Variants in DNAH17 observed in about 807,000 individuals in gnomAD.
The protein encoded by DNAH17 is axonemal beta dynein heavy chain 17.
In DNAH17, 376 loss-of-function variants were observed where a neutral mutation model predicts 485.6. The observed-to-expected ratio is 0.77, with a 90% CI of 0.71 to 0.84. The LOEUF is 0.84. DNAH17 is among the 40% of genes least tolerant of loss of function. The pLI is 0.00. For missense variants in DNAH17, 6,370 were observed against 5,839.3 expected (o/e 1.09, Z -2.96); for synonymous variants, 3,031 against 2,405.9 (o/e 1.26, Z -7.60).
rs371109959 is a variant in DNAH17 at position 78,514,834 on chromosome 17, G to T, written c.4053C>A (p.Ser1351Arg). ...CCCGAATGGCAGGGTTCTGCAGCTC[G>T]CTCACGGCACGCAGGGACGTGATCA... Reference protein sequence around the residue: ...KNVITSLRAVSELQNPAIRER... With the variant: ...KNVITSLRAVRELQNPAIRER... Residue 1351 changes from serine (S) to arginine (R), a missense_variant, in exon 26 of 81, where the codon AGC (serine) becomes AGA (arginine). By Grantham distance (110) the Ser-to-Arg change is moderately radical. Coordinates refer to ENST00000389840, the MANE Select transcript of DNAH17 (RefSeq NM_173628.4). The T allele has an allele frequency of 6.2e-7, 1 of 1,613,916 alleles. No homozygotes were observed. The highest frequency in any genetic ancestry group is 8.5e-7 in the Non-Finnish European group (1 of 1,179,900).
At chr17:78,425,152 C>T (rs894951723) in intron 80 of DNAH17, 194 bp downstream of exon 80, 2 of 591,600 alleles carry the variant, frequency 3.4e-6, no homozygotes, top group Non-Finnish European at 5.9e-6. Context: ...CCTGCACATT[C>T]CCTGAATCCT....
intron 13 of DNAH17, 119 bp downstream of exon 13, chr17:78,560,621 G>A: frequency 8.7e-7 from 1 of 1,148,496 alleles, no homozygotes; most frequent in Non-Finnish European, 1.2e-6. Context: ...AAGAAGTAAA[G>A]CTTTAGGCGA....
chr17:78,448,288 C>T (rs1203778616), intron 69 of DNAH17, among the ~76,000 whole-genome samples: 1 of 151,808 alleles, frequency 6.6e-6, no homozygotes, highest in Non-Finnish European at 1.5e-5. Flanking sequence ...CACTTGAGCC[C>T]AGGAGTTCAA....
chr17:78,463,199 T>C, intron 56 of DNAH17, 122 bp from the exon 57 acceptor site: 2 of 828,914 alleles, frequency 2.4e-6, no homozygotes, highest in Non-Finnish European at 3.9e-6. Flanking sequence ...AACCTCAGTG[T>C]CTTCAACTGC....
chr17:78,479,788 G>A (rs568941511), intron 49 of DNAH17, among the ~76,000 whole-genome samples, 156 bp from the exon 50 acceptor site: 1 of 152,110 alleles, frequency 6.6e-6, no homozygotes, highest in Non-Finnish European at 1.5e-5. Flanking sequence ...CCTTGCATGT[G>A]GTAAAACTGC....
At chr17:78,500,210 C>A (rs1361443871) in intron 36 of DNAH17, 95 bp downstream of exon 36, 4 of 1,365,452 alleles carry the variant, frequency 2.9e-6, no homozygotes, top group Non-Finnish European at 3.9e-6. Context: ...ATCCAGAGAT[C>A]TGGAGTTTAC....
chr17:78,567,783 C>G (rs545669313), intron 9 of DNAH17, among the ~76,000 whole-genome samples: 1 of 152,168 alleles, frequency 6.6e-6, no homozygotes, highest in Non-Finnish European at 1.5e-5. Context: ...CCATCTGCGC[C>G]GCTTGTGTTT....
chr17:78,474,139 T>C (rs73377089), intron 54 of DNAH17, among the ~76,000 whole-genome samples: 2,787 of 152,298 alleles, frequency 0.018, 71 homozygotes, highest in African/African-American at 0.06. Context: ...CACCTCCCAC[T>C]GCTCCCAGCA....
chr17:78,501,048 G>A, intron 35 of DNAH17, 136 bp downstream of exon 35: 2 of 1,035,804 alleles, frequency 1.9e-6, no homozygotes, highest in South Asian at 2.1e-5. Context: ...AGAACTGAAT[G>A]TGAACACAGG....
Position 78,502,916 on chromosome 17 carries a change from C to T in DNAH17, c.5052G>A (p.Arg1684=). Residue 1684 remains arginine, a synonymous_variant, in exon 32 of 81, where the codon AGG becomes AGA. Transcript: ENST00000389840. ...EAVVTYEEKP[R]EQWILDYPAQ... ...CTGGGTAGTCCAGGATCCACTGCTC[C>T]CTCGGCTTCTCTTCGTAGGTCACCA... 6.2e-7 allele frequency: 1 copy of T among 1,614,022 alleles called. No individual in the cohort carries two copies. Among genetic ancestry groups the T allele is most frequent in the Non-Finnish European group, 8.5e-7 (1 of 1,179,958 alleles).
chr17:78,554,423 T>A (rs1420345766), intron 14 of DNAH17, among the ~76,000 whole-genome samples: 3 of 78,344 alleles, frequency 3.8e-5, no homozygotes, highest in African/African-American at 1.5e-4. Context: ...GACAATAGAA[T>A]GAGACTCTGT....
intron 9 of DNAH17, among the ~76,000 whole-genome samples, chr17:78,567,494 G>A (rs558718468): frequency 6.6e-6 from 1 of 152,284 alleles, no homozygotes; most frequent in East Asian, 1.9e-4. Flanking sequence ...ACACTCTGCT[G>A]GGACCTCCGT....
At chr17:78,429,448 C>T in intron 75 of DNAH17, 148 bp from the exon 76 acceptor site, 3 of 851,590 alleles carry the variant, frequency 3.5e-6, no homozygotes, top group Middle Eastern at 3.1e-4. Context: ...TGGCCATTTA[C>T]CTTCAGGGTC....
chr17:78,487,286 T>A (rs559896549), intron 44 of DNAH17, among the ~76,000 whole-genome samples: 2 of 152,302 alleles, frequency 1.3e-5, no homozygotes, highest in South Asian at 4.1e-4. Context: ...GATGTTTCCA[T>A]GACCCTCATT....
At chr17:78,541,213 GGGT>G (rs1568224130) in intron 17 of DNAH17, among the ~76,000 whole-genome samples, 2 of 19,460 alleles carry the variant, frequency 1.0e-4, no homozygotes, top group African/African-American at 3.6e-4. Flanking sequence ...GCGGATGGGT[GGGT>G]GGGGGGGTGA....
chr17:78,566,929 C>T (rs549311994), intron 10 of DNAH17, 70 bp downstream of exon 10: 1 of 1,530,040 alleles, frequency 6.5e-7, no homozygotes, highest in Non-Finnish European at 8.8e-7. Context: ...CCATCACACC[C>T]CTAAGCTGGT....
At chr17:78,503,154 G>A (rs1056087831) in intron 31 of DNAH17, 143 bp from the exon 32 acceptor site, 1 of 412,820 alleles carries the variant, frequency 2.4e-6, no homozygotes, top group Non-Finnish European at 4.1e-6. Flanking sequence ...TTACAGAGCA[G>A]TAACAGTGAC....
At chr17:78,562,713 G>C (rs569234539) in intron 11 of DNAH17, among the ~76,000 whole-genome samples, 28 of 152,350 alleles carry the variant, frequency 1.8e-4, no homozygotes, top group African/African-American at 6.3e-4. Flanking sequence ...CTCTGATACA[G>C]ATAAATGAAG....
chr17:78,553,183 C>A (rs1446123074), intron 14 of DNAH17, among the ~76,000 whole-genome samples: 1 of 151,960 alleles, frequency 6.6e-6, no homozygotes, highest in Non-Finnish European at 1.5e-5. Flanking sequence ...TCCTGAGGTC[C>A]CCCCAGAAAC....
Sources: gnomAD v4.1 joint callset for allele counts (sites outside exome capture counted in the v4.1 genomes callset) on GRCh38, gnomAD v4.1.1 for gene constraint, MANE v1.5 for transcripts, NCBI Gene and HGNC (gene_info 2026-07-23, HGNC 2026-07-21) for gene names.